The following LCLAT1 variants were observed in gnomAD, a reference collection of about 807,000 sequenced individuals.
LCLAT1 encodes 1-AGP acyltransferase 8.
Under a neutral mutation model 30.7 loss-of-function variants are expected in LCLAT1, and 11 were observed. The ratio of observed to expected loss-of-function variants is 0.36; its 90% confidence interval spans 0.23 to 0.59. The LOEUF (loss-of-function observed/expected upper bound fraction) is 0.59. Among genes scored for constraint, LCLAT1 ranks in the 20% least tolerant of loss-of-function variants. The pLI is 0.77. For missense variants in LCLAT1, 402 were observed against 458.6 expected (o/e 0.88, Z 1.13); for synonymous variants, 155 against 151.3 (o/e 1.02, Z -0.18).
intron 1 of LCLAT1, among the ~76,000 whole-genome samples, chr2:30,490,757 T>G (rs1416429361): frequency 1.3e-5 from 2 of 152,202 alleles, no homozygotes; most frequent in African/African-American, 4.8e-5. Context: ...GATTTGATTT[T>G]GTAGTCATCA....
intron 1 of LCLAT1, among the ~76,000 whole-genome samples, chr2:30,507,088 ATATAC>A (rs1684701317): frequency 6.6e-6 from 1 of 152,152 alleles, no homozygotes; most frequent in Non-Finnish European, 1.5e-5. Flanking sequence ...TTGTATATGC[ATATAC>A]TATATATGCA....
At chr2:30,630,440 A>G (rs1236364715) in intron 5 of LCLAT1, among the ~76,000 whole-genome samples, 2 of 152,200 alleles carry the variant, frequency 1.3e-5, no homozygotes, top group Non-Finnish European at 2.9e-5. Context: ...ACCTGAAGGA[A>G]ATCAGTTGGT....
At chr2:30,456,913 C>G (rs1422193595) in intron 1 of LCLAT1, among the ~76,000 whole-genome samples, 1 of 152,152 alleles carries the variant, frequency 6.6e-6, no homozygotes, top group Non-Finnish European at 1.5e-5. Flanking sequence ...ACAGGGATTA[C>G]TTCTTTATGG....
chr2:30,532,407 A>G (rs898282531), intron 2 of LCLAT1, among the ~76,000 whole-genome samples: 3 of 152,166 alleles, frequency 2.0e-5, no homozygotes, highest in Non-Finnish European at 4.4e-5. Flanking sequence ...TGAGAATTCA[A>G]AGAAGAGTTT....
intron 5 of LCLAT1, among the ~76,000 whole-genome samples, chr2:30,610,412 C>T (rs1003355320): frequency 1.3e-5 from 2 of 152,106 alleles, no homozygotes; most frequent in African/African-American, 4.8e-5. Context: ...AAATCTCCTT[C>T]TGATTAAGAT....
intron 5 of LCLAT1, among the ~76,000 whole-genome samples, chr2:30,585,018 A>G (rs1666370768): frequency 6.6e-6 from 1 of 151,798 alleles, no homozygotes; most frequent in Admixed American, 6.6e-5. Context: ...TTTATATATC[A>G]GAGTGATGTT....
At chr2:30,589,465 GAA>G (rs914171820) in intron 5 of LCLAT1, among the ~76,000 whole-genome samples, 3 of 141,880 alleles carry the variant, frequency 2.1e-5, no homozygotes, top group Non-Finnish European at 3.1e-5. Context: ...ATGTTGAGGG[GAA>G]AAAAAAAAAA....
chr2:30,524,348 A>G (rs1394025139), intron 1 of LCLAT1, among the ~76,000 whole-genome samples: 1 of 152,222 alleles, frequency 6.6e-6, no homozygotes, highest in Admixed American at 6.5e-5. Context: ...TGTTATTTTC[A>G]GATTCTAATA....
chr2:30,623,995 T>G (rs941683916), intron 5 of LCLAT1, among the ~76,000 whole-genome samples: 4 of 152,206 alleles, frequency 2.6e-5, no homozygotes, highest in Non-Finnish European at 2.9e-5. Flanking sequence ...GCCAAGAATT[T>G]TGTATCCAGC....
intron 1 of LCLAT1, among the ~76,000 whole-genome samples, chr2:30,521,483 C>T (rs1685464469): frequency 4.0e-5 from 1 of 24,808 alleles, no homozygotes; most frequent in Non-Finnish European, 6.9e-5. Flanking sequence ...ACCCCCTAAA[C>T]TACTTCTTCT....
intron 5 of LCLAT1, among the ~76,000 whole-genome samples, chr2:30,594,283 G>GT (rs1558541930): frequency 6.6e-6 from 1 of 152,078 alleles, no homozygotes; most frequent in African/African-American, 2.4e-5. Context: ...GATTCATATA[G>GT]TTTTTTCCGA....
At chr2:30,448,058 T>C (rs1681353729) in intron 1 of LCLAT1, among the ~76,000 whole-genome samples, 1 of 152,240 alleles carries the variant, frequency 6.6e-6, no homozygotes, top group Admixed American at 6.5e-5. Context: ...TAGATGTGGT[T>C]GTGGAGATGT....
intron 5 of LCLAT1, among the ~76,000 whole-genome samples, chr2:30,587,959 T>G (rs1009823260): frequency 2.0e-5 from 3 of 152,230 alleles, no homozygotes; most frequent in Admixed American, 6.5e-5. Flanking sequence ...AAAAGTCCTA[T>G]CTGGAAGCCT....
chr2:30,473,346 G>A (rs909425636), intron 1 of LCLAT1, among the ~76,000 whole-genome samples: 2 of 152,120 alleles, frequency 1.3e-5, no homozygotes, highest in African/African-American at 2.4e-5. Context: ...AATCTATTAC[G>A]ATCTTTCTTT....
At chr2:30,483,373 A>G (rs1457603536) in intron 1 of LCLAT1, among the ~76,000 whole-genome samples, 1 of 152,222 alleles carries the variant, frequency 6.6e-6, no homozygotes, top group Non-Finnish European at 1.5e-5. Flanking sequence ...AAAAAAGTTT[A>G]TTAAGAAAAA....
chr2:30,537,521 TACAC>T (rs58394759), intron 3 of LCLAT1, among the ~76,000 whole-genome samples: 56 of 149,104 alleles, frequency 3.8e-4, no homozygotes, highest in Non-Finnish European at 5.8e-4. Flanking sequence ...CAATTGTAAA[TACAC>T]ACACACACAC....
At chr2:30,637,693 T>C (rs531536581) in intron 5 of LCLAT1, among the ~76,000 whole-genome samples, 1 of 152,316 alleles carries the variant, frequency 6.6e-6, no homozygotes, top group South Asian at 2.1e-4. Context: ...TTCTCCTGCC[T>C]CAGCCTCCCA....
At chr2:30,450,697 G>C (rs916769402) in intron 1 of LCLAT1, among the ~76,000 whole-genome samples, 2 of 152,212 alleles carry the variant, frequency 1.3e-5, no homozygotes, top group Non-Finnish European at 2.9e-5. Context: ...ACAAGGTAGG[G>C]TGTGCAAATC....
intron 1 of LCLAT1, among the ~76,000 whole-genome samples, chr2:30,454,799 A>C (rs1681742536): frequency 6.6e-6 from 1 of 152,146 alleles, no homozygotes; most frequent in Non-Finnish European, 1.5e-5. Flanking sequence ...CAATTGATTA[A>C]ATTAAAGGAA....
Sources: gnomAD v4.1 joint callset for allele counts (sites outside exome capture counted in the v4.1 genomes callset) on GRCh38, gnomAD v4.1.1 for gene constraint, MANE v1.5 for transcripts, NCBI Gene and HGNC (gene_info 2026-07-23, HGNC 2026-07-21) for gene names.